MOGAT1: variants seen among roughly 807,000 people sequenced by gnomAD.
MOGAT1 encodes the protein monoacylglycerol O-acyltransferase 1, also known as 2-acylglycerol O-acyltransferase 1.
MOGAT1 carries 32 observed loss-of-function variants against 31.4 expected under a neutral mutation model. The ratio of observed to expected loss-of-function variants is 1.02; its 90% CI spans 0.77 to 1.37. The LOEUF (loss-of-function observed/expected upper bound fraction) is 1.37, where lower values mean the gene tolerates loss of function less well. MOGAT1 is among the 40% of genes most tolerant of loss of function. The pLI is 0.00. For missense variants in MOGAT1, 426 were observed against 402.0 expected, an observed-to-expected ratio of 1.06 and a Z score of -0.51; for synonymous variants, 145 against 144.5, an observed-to-expected ratio of 1.00 and a Z score of -0.03.
Position 222,688,452 on chromosome 2 carries a change from GA to G in MOGAT1, c.204del (p.Gly69AlafsTer45). 1 of 1,613,856 alleles carries G rather than the reference GA, an allele frequency of 6.2e-7. No individual in the cohort carries two copies. The highest frequency in any genetic ancestry group is 8.5e-7 in the Non-Finnish European group (1 of 1,179,828). ...TTTGACTGGCATACCCCAGAGCGAG[GA>G]GGCAGGAGATCCAGCTGGATCAAAA... is the stretch of plus-strand genomic sequence containing the variant. Reference protein sequence around the residue: ...LYFDWHTPERGGRRSSWIKNW... With the variant: ...LYFDWHTPERXGRRSSWIKNW... On this transcript the variant is annotated frameshift_variant, in exon 2 of 6. Coordinates refer to ENST00000446656, the MANE Select transcript of MOGAT1 (RefSeq NM_058165.3). LOFTEE classifies it high-confidence loss of function.
chr2:222,673,819 T>A (rs6436328), intron 1 of MOGAT1, among the ~76,000 whole-genome samples: 1 of 152,180 alleles, frequency 6.6e-6, no homozygotes, highest in African/African-American at 2.4e-5. Flanking sequence ...TCTCTATGGC[T>A]GTCTTAGTCT....
At chr2:222,702,802 C>A (rs1362884329) in intron 5 of MOGAT1, among the ~76,000 whole-genome samples, 1 of 146,920 alleles carries the variant, frequency 6.8e-6, no homozygotes. Context: ...CCAGCCTGGG[C>A]AACAGAACAA....
chr2:222,708,307 C>G (rs1365821924), intron 5 of MOGAT1, among the ~76,000 whole-genome samples: 1 of 152,126 alleles, frequency 6.6e-6, no homozygotes, highest in Non-Finnish European at 1.5e-5. Flanking sequence ...TAGTATCGAA[C>G]TCCTGACCTC....
intron 3 of MOGAT1, among the ~76,000 whole-genome samples, chr2:222,693,943 A>G (rs1444518788): frequency 1.3e-5 from 2 of 152,200 alleles, no homozygotes; most frequent in South Asian, 2.1e-4. Flanking sequence ...TGGAGAATAT[A>G]CTTTTTGGTT....
rs74903956 is a variant in MOGAT1, at chr2:222,675,353, G to A, written c.94+3474G>A. ...TTATTTGTGTCTACAATTGGTCAGT[G>A]GGTCTAGGAAGGAAGTAATCCGAGG... On this transcript the variant is annotated intron_variant, in intron 1 of 5. Transcript: ENST00000446656. Among the ~76,000 whole-genome samples the A allele has an allele frequency of 7.9e-3, 1,202 of 152,210 alleles. 16 individuals carry two copies. The highest frequency in any genetic ancestry group is 0.027 in the African/African-American group (1,112 of 41,540).
In MOGAT1 at chr2:222,688,409, T is replaced by C; in HGVS notation, c.160T>C (p.Tyr54His). The change falls in exon 2 of 6, where the codon TAT (tyrosine) becomes CAT (histidine). Residue 54 changes from tyrosine to histidine, a missense_variant. Coordinates refer to ENST00000446656, the MANE Select transcript of MOGAT1 (RefSeq NM_058165.3). Reference sequence around the variant, plus strand: ...CAACTATTTGTTCCTTTACATCCCTTATTTGATGTGGCTTTACTTTGACTG... The same window carrying C: ...CAACTATTTGTTCCTTTACATCCCTCATTTGATGTGGCTTTACTTTGACTG... ...IHNYLFLYIP[Y>H]LMWLYFDWHT... 1 of 1,613,682 alleles carries C rather than the reference T, an allele frequency of 6.2e-7. No homozygotes were observed. Among genetic ancestry groups the C allele is most frequent in the South Asian group, 1.1e-5 (1 of 91,004 alleles).
At chr2:222,691,807 A>G (rs972166240) in intron 3 of MOGAT1, among the ~76,000 whole-genome samples, 1 of 152,194 alleles carries the variant, frequency 6.6e-6, no homozygotes, top group African/African-American at 2.4e-5. Context: ...CTTTGTTGAC[A>G]GCAGTCTGTT....
At chr2:222,682,695 G>C (rs1275178975) in intron 1 of MOGAT1, among the ~76,000 whole-genome samples, 1 of 152,198 alleles carries the variant, frequency 6.6e-6, no homozygotes, top group African/African-American at 2.4e-5. Flanking sequence ...GTCAACAGAT[G>C]CATGAATTAT....
At chr2:222,698,164 T>A (rs1692863835) in intron 5 of MOGAT1, among the ~76,000 whole-genome samples, 1 of 152,220 alleles carries the variant, frequency 6.6e-6, no homozygotes, top group Non-Finnish European at 1.5e-5. Context: ...AAATAAGGAT[T>A]CCTTGTGCAT....
At chr2:222,684,310 G>T (rs1311488497) in intron 1 of MOGAT1, among the ~76,000 whole-genome samples, 2 of 151,904 alleles carry the variant, frequency 1.3e-5, no homozygotes, top group African/African-American at 2.4e-5. Context: ...GGAGGCTGAG[G>T]CAGGAGAATC....
At chr2:222,682,156 TTTG>T (rs1364089833) in intron 1 of MOGAT1, among the ~76,000 whole-genome samples, 1 of 152,182 alleles carries the variant, frequency 6.6e-6, no homozygotes, top group African/African-American at 2.4e-5. Flanking sequence ...ACACACACAC[TTTG>T]TTGTTGCTGC....
intron 3 of MOGAT1, among the ~76,000 whole-genome samples, chr2:222,690,406 A>G (rs1440241502): frequency 6.6e-6 from 1 of 151,918 alleles, no homozygotes; most frequent in Admixed American, 6.6e-5. Flanking sequence ...CTAAAAATAC[A>G]AAAATTAGGG....
chr2:222,701,298 A>C (rs1423047532), intron 5 of MOGAT1, among the ~76,000 whole-genome samples: 4 of 93,158 alleles, frequency 4.3e-5, no homozygotes, highest in Non-Finnish European at 8.5e-5. Flanking sequence ...GAGGAGGAGG[A>C]GGAGAGAGAG....
chr2:222,689,248 A>C lies in MOGAT1; in HGVS notation c.274-17A>C. 3 of 1,588,760 alleles carry C rather than the reference A, an allele frequency of 1.9e-6. No individual in the cohort carries two copies. The highest frequency in any genetic ancestry group is 2.6e-6 in the Non-Finnish European group (3 of 1,166,266). ...GAAGTTTCTTTTTTTTAAAATCTCA[A>C]TATGAATGTGCTGTAGCTTATCAAA... is the stretch of plus-strand genomic sequence containing the variant. On this transcript the variant is annotated splice_polypyrimidine_tract_variant and intron_variant, in intron 2 of 5. Transcript: ENST00000446656.
chr2:222,686,743 TG>T (rs770427701), intron 1 of MOGAT1, among the ~76,000 whole-genome samples: 47 of 152,318 alleles, frequency 3.1e-4, no homozygotes, highest in Non-Finnish European at 5.3e-4. Context: ...TAACCAACTC[TG>T]GAGAGAGCAG....
chr2:222,697,394 G>T (rs1024311641), intron 5 of MOGAT1, among the ~76,000 whole-genome samples: 1 of 152,004 alleles, frequency 6.6e-6, no homozygotes, highest in Non-Finnish European at 1.5e-5. Flanking sequence ...ATAAATGTGG[G>T]TCAAATGGAA....
At chr2:222,694,189 G>C (rs886272766) in intron 3 of MOGAT1, among the ~76,000 whole-genome samples, 173 bp from the exon 4 acceptor site, 3 of 152,162 alleles carry the variant, frequency 2.0e-5, no homozygotes, top group African/African-American at 7.2e-5. Context: ...CTTATTAATA[G>C]AATACATTAC....
chr2:222,709,899 TA>T lies in MOGAT1; in HGVS notation c.*18del, dbSNP rs200261124. The T allele has an allele frequency of 2.5e-4, 382 of 1,540,332 alleles. No individual in the cohort carries two copies. Among genetic ancestry groups the T allele is most frequent in the South Asian group, 4.0e-4 (32 of 80,944 alleles). On this transcript the variant is annotated 3_prime_UTR_variant, in exon 6 of 6. Coordinates refer to ENST00000446656, the MANE Select transcript of MOGAT1 (RefSeq NM_058165.3). ...CTCTTGTTTTAAAATGACTTGACTA[TA>T]AAAAAAAATTAAAAAATAAAAATAA...
intron 5 of MOGAT1, among the ~76,000 whole-genome samples, chr2:222,703,422 GTTTGT>G (rs1692958005): frequency 6.6e-6 from 1 of 151,916 alleles, no homozygotes; most frequent in Non-Finnish European, 1.5e-5. Flanking sequence ...TTGTTTGTTT[GTTTGT>G]TTTTAGTGCC....
Sources: gnomAD v4.1 joint callset for allele counts (sites outside exome capture counted in the v4.1 genomes callset) on GRCh38, gnomAD v4.1.1 for gene constraint, MANE v1.5 for transcripts, NCBI Gene and HGNC (gene_info 2026-07-23, HGNC 2026-07-21) for gene names.